Variants in SLC9A9 observed in about 807,000 individuals in gnomAD.
SLC9A9 encodes the protein solute carrier family 9 member A9.
In SLC9A9, 62 loss-of-function variants were observed where a neutral mutation model predicts 77.8. The ratio of observed to expected loss-of-function variants is 0.80; its 90% CI spans 0.65 to 0.98. The LOEUF is 0.98. SLC9A9 is among the 50% of genes least tolerant of loss of function. SLC9A9 has a pLI of 0.00. For missense variants in SLC9A9, 775 were observed against 774.9 expected, an observed-to-expected ratio of 1.00 and a Z score of 0.00; for synonymous variants, 320 against 283.5, an observed-to-expected ratio of 1.13 and a Z score of -1.29.
At chr3:143,289,117 T>A (rs771620034) in intron 14 of SLC9A9, among the ~76,000 whole-genome samples, 9 of 152,186 alleles carry the variant, frequency 5.9e-5, no homozygotes, top group Admixed American at 6.5e-5. Context: ...GAGCTGTCAG[T>A]GGTAGGGATG....
In SLC9A9 at chr3:143,531,272, G is replaced by A. The variant is rs141623254; in HGVS notation, c.1089+21090C>T. Among the ~76,000 whole-genome samples the A allele has an allele frequency of 3.2e-3, 482 of 152,272 alleles. 2 individuals carry two copies. The highest frequency in any genetic ancestry group is 0.01 in the Middle Eastern group (3 of 294). ...GAGATTTCAAATGCTCCCCTGGCAA[G>A]GAAAGCAAACCACATCCCCAAATTT... is the stretch of plus-strand genomic sequence containing the variant. On this transcript the variant is annotated intron_variant, in intron 9 of 15. Transcript: ENST00000316549.
intron 13 of SLC9A9, among the ~76,000 whole-genome samples, chr3:143,379,661 T>C (rs983834367): frequency 2.0e-5 from 3 of 152,286 alleles, no homozygotes; most frequent in African/African-American, 4.8e-5. Flanking sequence ...AAGTGAGAAA[T>C]GTCTTTAAAA....
chr3:143,802,019 T>C (rs2008575920), intron 2 of SLC9A9, among the ~76,000 whole-genome samples: 1 of 152,196 alleles, frequency 6.6e-6, no homozygotes, highest in African/African-American at 2.4e-5. Flanking sequence ...CAGATCCCAT[T>C]GCCCTCGGCA....
chr3:143,743,205 A>G (rs867706578), intron 4 of SLC9A9, among the ~76,000 whole-genome samples: 3 of 139,976 alleles, frequency 2.1e-5, no homozygotes, highest in Admixed American at 7.2e-5. Context: ...ATAGATGGAT[A>G]GATGGATGGA....
At chr3:143,414,700 C>A (rs1422398084) in intron 12 of SLC9A9, among the ~76,000 whole-genome samples, 1 of 152,204 alleles carries the variant, frequency 6.6e-6, no homozygotes, top group African/African-American at 2.4e-5. Context: ...CTCTCTCTCT[C>A]TCCTCAGGCC....
At chr3:143,654,644 A>AT (rs776587641) in intron 5 of SLC9A9, among the ~76,000 whole-genome samples, 64 of 151,708 alleles carry the variant, frequency 4.2e-4, no homozygotes, top group African/African-American at 6.8e-4. Context: ...TAAAAGTAAC[A>AT]TTTTTTTTTA....
At chr3:143,319,386 A>G (rs559939779) in intron 14 of SLC9A9, among the ~76,000 whole-genome samples, 2 of 152,270 alleles carry the variant, frequency 1.3e-5, no homozygotes, top group South Asian at 4.1e-4. Flanking sequence ...AATGAGTGAT[A>G]CCTTCCCATG....
At chr3:143,718,720 C>T (rs1433076000) in intron 4 of SLC9A9, among the ~76,000 whole-genome samples, 2 of 152,208 alleles carry the variant, frequency 1.3e-5, no homozygotes, top group Non-Finnish European at 2.9e-5. Flanking sequence ...GATCAGCCCA[C>T]GCAGGCAGTA....
intron 4 of SLC9A9, among the ~76,000 whole-genome samples, chr3:143,725,531 A>G (rs1232543885): frequency 6.6e-6 from 1 of 150,472 alleles, no homozygotes; most frequent in Non-Finnish European, 1.5e-5. Flanking sequence ...TGTGGCACAT[A>G]TACACCATGG....
intron 11 of SLC9A9, among the ~76,000 whole-genome samples, chr3:143,469,539 T>A (rs979854874): frequency 1.3e-5 from 2 of 152,220 alleles, no homozygotes; most frequent in African/African-American, 2.4e-5. Context: ...AAAGGAATTT[T>A]AAAAAGTAGA....
intron 6 of SLC9A9, among the ~76,000 whole-genome samples, chr3:143,633,714 G>T (rs1004114956): frequency 6.6e-6 from 1 of 152,140 alleles, no homozygotes; most frequent in African/African-American, 2.4e-5. Flanking sequence ...CATATCTATA[G>T]CTATACACAC....
At chr3:143,340,798 T>C (rs1343426920) in intron 14 of SLC9A9, among the ~76,000 whole-genome samples, 1 of 152,192 alleles carries the variant, frequency 6.6e-6, no homozygotes, top group South Asian at 2.1e-4. Context: ...CAGAAATCTA[T>C]CTCCAGACAC....
Position 143,617,633 on chromosome 3 carries a change from C to T in SLC9A9, c.755+34622G>A, listed in dbSNP as rs116514979. On this transcript the variant is annotated intron_variant, in intron 6 of 15. Coordinates refer to ENST00000316549, the MANE Select transcript of SLC9A9 (RefSeq NM_173653.4). ...AAAATCAGATCTGTCCCTTTTGGAC[C>T]TACTTTTCAGCATGGCAAGAATTAG... 6.7e-3 allele frequency among the ~76,000 whole-genome samples: 1,017 copies of T among 152,226 alleles called. 8 individuals carry two copies. The highest frequency in any genetic ancestry group is 0.023 in the African/African-American group (939 of 41,532).
chr3:143,702,234 C>A (rs1933823650), intron 4 of SLC9A9, among the ~76,000 whole-genome samples: 1 of 152,096 alleles, frequency 6.6e-6, no homozygotes, highest in Admixed American at 6.6e-5. Context: ...ACAAAACTCA[C>A]TGGTAATAGT....
intron 5 of SLC9A9, among the ~76,000 whole-genome samples, chr3:143,690,210 A>T (rs1249577030): frequency 6.6e-6 from 1 of 152,056 alleles, no homozygotes; most frequent in African/African-American, 2.4e-5. Flanking sequence ...TGTTTTAAGC[A>T]AGTAGGAAAT....
intron 14 of SLC9A9, among the ~76,000 whole-genome samples, chr3:143,300,535 T>C (rs2030476256): frequency 6.6e-6 from 1 of 152,236 alleles, no homozygotes; most frequent in South Asian, 2.1e-4. Flanking sequence ...AAAATGCAGA[T>C]TCTGATTCAG....
intron 7 of SLC9A9, among the ~76,000 whole-genome samples, chr3:143,577,926 GT>G (rs1231435340): frequency 1.3e-5 from 2 of 152,160 alleles, no homozygotes; most frequent in African/African-American, 4.8e-5. Context: ...CTATCTGAAT[GT>G]TCTAAGTGAG....
rs1415924026 is a variant in SLC9A9, at chr3:143,266,407, A to G, written c.*295T>C. On this transcript the variant is annotated 3_prime_UTR_variant, in exon 16 of 16. Transcript: ENST00000316549. ...AGCAGAAATGCCCTGAAGACCCAGC[A>G]CAGCTGTCCCATCCTCCAGCAGCTA... is the stretch of plus-strand genomic sequence containing the variant. 6 of 550,614 alleles carry G rather than the reference A, an allele frequency of 1.1e-5. No individual in the cohort carries two copies. The highest frequency in any genetic ancestry group is 3.2e-6 in the Non-Finnish European group (1 of 307,838). The allele number at this position is 550,614 out of a possible 1,614,324, so 34.1% of individuals were successfully genotyped here.
intron 14 of SLC9A9, among the ~76,000 whole-genome samples, chr3:143,302,904 G>GCTCT: frequency 6.6e-6 from 1 of 152,320 alleles, no homozygotes; most frequent in South Asian, 2.1e-4. Context: ...CTCCACAAGA[G>GCTCT]TGTGGAGTCC....
Sources: allele counts gnomAD v4.1 joint callset (sites outside exome capture counted in the v4.1 genomes callset), GRCh38; gene constraint gnomAD v4.1.1; transcripts MANE v1.5; gene names NCBI Gene and HGNC (gene_info 2026-07-23, HGNC 2026-07-21).